The following EPHA4 variants were observed in gnomAD, a reference collection of about 807,000 sequenced individuals.
EPHA4 encodes the protein ephrin type-A receptor 4.
In EPHA4, 19 loss-of-function variants were observed where a neutral mutation model predicts 108.3. The observed-to-expected ratio is 0.18, with a 90% CI of 0.12 to 0.26. The LOEUF (loss-of-function observed/expected upper bound fraction) is 0.26. Ranked by LOEUF, EPHA4 falls within the 10% of genes least tolerant of loss-of-function variation. The pLI is 1.00. For synonymous variants in EPHA4, 449 were observed against 455.5 expected (o/e 0.99, Z 0.18); for missense variants, 917 against 1,254.0 (o/e 0.73, Z 4.06).
intron 2 of EPHA4, among the ~76,000 whole-genome samples, chr2:221,567,435 T>C (rs568868981): frequency 7.9e-5 from 12 of 152,276 alleles, no homozygotes; most frequent in African/African-American, 2.9e-4. Flanking sequence ...TTGCCTGCAA[T>C]CAGTGGTGAA....
At chr2:221,565,821 A>C (rs560154579) in intron 2 of EPHA4, among the ~76,000 whole-genome samples, 1 of 152,306 alleles carries the variant, frequency 6.6e-6, no homozygotes, top group South Asian at 2.1e-4. Flanking sequence ...ATAGATTCCC[A>C]TCTTCAAAAA....
chr2:221,491,864 C>A (rs899075548), intron 4 of EPHA4, among the ~76,000 whole-genome samples: 3 of 151,902 alleles, frequency 2.0e-5, no homozygotes, highest in African/African-American at 7.3e-5. Flanking sequence ...AAAGAAGATA[C>A]CCTGGGCTGA....
At chr2:221,536,941 G>A (rs1693690631) in intron 3 of EPHA4, among the ~76,000 whole-genome samples, 1 of 152,190 alleles carries the variant, frequency 6.6e-6, no homozygotes, top group South Asian at 2.1e-4. Flanking sequence ...AAAGTGCTTA[G>A]CACAAAGCCA....
upstream of EPHA4, chr2:221,572,939 G>A (rs1291418417): frequency 3.3e-5 from 5 of 152,294 alleles, no homozygotes; most frequent in Admixed American, 3.3e-4. Flanking sequence ...GACCTACTTG[G>A]TCCCCAACGT....
At chr2:221,475,760 G>A (rs1488038282) in intron 5 of EPHA4, among the ~76,000 whole-genome samples, 1 of 152,158 alleles carries the variant, frequency 6.6e-6, no homozygotes, top group Non-Finnish European at 1.5e-5. Context: ...ATTTCCAAAT[G>A]TCACAAAATA....
intron 5 of EPHA4, among the ~76,000 whole-genome samples, chr2:221,466,129 A>G (rs1359832361): frequency 6.6e-6 from 1 of 152,224 alleles, no homozygotes; most frequent in African/African-American, 2.4e-5. Context: ...TCACGGCCAC[A>G]ATCACGGCCA....
At position 221,451,910 on chromosome 2, in the gene EPHA4, A is replaced by C. The variant is rs527663049; in HGVS notation, c.1715+3637T>G. ...GAAAAAAGTAGATCTCGCTGAAAAA[A>C]GTGTAGATTATTCTGGCTTGCCTTA... On this transcript the variant is annotated intron_variant, in intron 8 of 17. Transcript: ENST00000281821. 2.4e-4 allele frequency among the ~76,000 whole-genome samples: 37 copies of C among 152,338 alleles called. No individual in the cohort carries two copies. In the East Asian group the frequency reaches 7.1e-3, roughly 29 times the overall value.
At chr2:221,492,083 G>T (rs2106149876) in intron 4 of EPHA4, among the ~76,000 whole-genome samples, 1 of 152,280 alleles carries the variant, frequency 6.6e-6, no homozygotes, top group Middle Eastern at 3.4e-3. Flanking sequence ...TTTCATAGAA[G>T]CATGCTGTGA....
intron 3 of EPHA4, among the ~76,000 whole-genome samples, chr2:221,503,245 TACTG>T (rs1692531581): frequency 6.6e-6 from 1 of 152,224 alleles, no homozygotes; most frequent in Admixed American, 6.5e-5. Context: ...AACTGCATAT[TACTG>T]ACTGATTCTC....
intron 3 of EPHA4, among the ~76,000 whole-genome samples, chr2:221,549,191 A>G (rs973207728): frequency 4.2e-4 from 64 of 152,328 alleles, no homozygotes; most frequent in African/African-American, 1.5e-3. Context: ...ACTCTTGCCT[A>G]GTTCAAAATG....
intron 3 of EPHA4, among the ~76,000 whole-genome samples, chr2:221,560,900 A>G (rs10498120): frequency 0.12 from 17,526 of 152,194 alleles, 1,321 homozygotes; most frequent in Middle Eastern, 0.22. Flanking sequence ...GATAGGGCCA[A>G]CTGTTTTTAT....
intron 3 of EPHA4, among the ~76,000 whole-genome samples, chr2:221,523,303 T>C (rs1425459884): frequency 6.6e-6 from 1 of 152,168 alleles, no homozygotes; most frequent in Non-Finnish European, 1.5e-5. Context: ...TTTTTTTTTT[T>C]TGAGACGCAG....
intron 4 of EPHA4, among the ~76,000 whole-genome samples, chr2:221,486,735 A>AAATAATAATAAG (rs374853611): frequency 5.0e-5 from 7 of 139,004 alleles, no homozygotes; most frequent in African/African-American, 1.3e-4. Flanking sequence ...CTCTGTCTCA[A>AAATAATAATAAG]AATAATAATA....
At chr2:221,557,332 G>A (rs1694334884) in intron 3 of EPHA4, among the ~76,000 whole-genome samples, 2 of 152,134 alleles carry the variant, frequency 1.3e-5, no homozygotes, top group Admixed American at 1.3e-4. Flanking sequence ...AAATGAAATG[G>A]TTTCTTTGTT....
chr2:221,563,734 G>T lies in EPHA4; in HGVS notation c.820C>A (p.Gln274Lys), dbSNP rs1207205117. Residue 274 changes from glutamine (Q) to lysine (K), a missense_variant, in exon 3 of 18, where the codon CAA (glutamine) becomes AAA (lysine). Transcript: ENST00000281821. ...AGHEERSGECQACKIGYYKAL... is the reference protein window; with the variant it reads ...AGHEERSGECKACKIGYYKAL... ...ACTGCAATATGGACCCTCTTACCTT[G>T]GCATTCTCCGCTCCGCTCCTCATGC... The T allele has an allele frequency of 5.6e-6, 9 of 1,613,426 alleles. No individual in the cohort carries two copies. Among genetic ancestry groups the T allele is most frequent in the Non-Finnish European group, 7.6e-6 (9 of 1,179,646 alleles).
intron 3 of EPHA4, among the ~76,000 whole-genome samples, chr2:221,540,808 G>C (rs1346914922): frequency 6.6e-6 from 1 of 152,136 alleles, no homozygotes; most frequent in Non-Finnish European, 1.5e-5. Context: ...AGCTGTACAG[G>C]CTTGTCGAAA....
intron 15 of EPHA4, among the ~76,000 whole-genome samples, chr2:221,429,433 T>C (rs1445543206): frequency 1.3e-5 from 2 of 152,190 alleles, no homozygotes; most frequent in Non-Finnish European, 2.9e-5. Flanking sequence ...TCATTTCCTA[T>C]CTTGGCCCTG....
intron 1 of EPHA4, 44 bp downstream of exon 1, chr2:221,572,114 G>C: frequency 6.5e-7 from 1 of 1,537,046 alleles, no homozygotes; most frequent in Non-Finnish European, 9.0e-7. Context: ...ACCCGCGATG[G>C]CCCCTCGCTG....
intron 3 of EPHA4, among the ~76,000 whole-genome samples, chr2:221,551,654 A>T (rs1482594384): frequency 6.6e-6 from 1 of 152,150 alleles, no homozygotes; most frequent in Non-Finnish European, 1.5e-5. Context: ...ATCATGTATG[A>T]AGGCTAGAAT....
Sources: allele counts gnomAD v4.1 joint callset (sites outside exome capture counted in the v4.1 genomes callset), GRCh38; gene constraint gnomAD v4.1.1; transcripts MANE v1.5; gene names NCBI Gene and HGNC (gene_info 2026-07-23, HGNC 2026-07-21).